Variants in PTPRG observed in about 807,000 individuals in gnomAD.
PTPRG encodes receptor-type tyrosine-protein phosphatase gamma.
In PTPRG, 102 loss-of-function variants were observed where a neutral mutation model predicts 165.3. The ratio of observed to expected loss-of-function variants is 0.62; its 90% CI spans 0.53 to 0.73. PTPRG has a LOEUF of 0.73. PTPRG is among the 30% of genes least tolerant of loss of function. PTPRG has a pLI of 0.00. For synonymous variants in PTPRG, 675 were observed against 669.5 expected (o/e 1.01, Z -0.13); for missense variants, 1,866 against 1,861.4 (o/e 1.00, Z -0.05).
chr3:61,851,834 G>A (rs913412178), intron 2 of PTPRG, among the ~76,000 whole-genome samples: 8 of 152,094 alleles, frequency 5.3e-5, no homozygotes, highest in African/African-American at 1.9e-4. Context: ...AATTGTGGAG[G>A]TGAAAAATCA....
intron 2 of PTPRG, among the ~76,000 whole-genome samples, chr3:61,820,103 G>A (rs1207793256): frequency 6.6e-6 from 1 of 152,130 alleles, no homozygotes; most frequent in Non-Finnish European, 1.5e-5. Flanking sequence ...AGATATGTGA[G>A]TTAGGGTTCT....
intron 2 of PTPRG, among the ~76,000 whole-genome samples, chr3:61,940,669 ATTTT>A (rs199808007): frequency 1.1e-5 from 1 of 91,430 alleles, no homozygotes; most frequent in African/African-American, 3.5e-5. Context: ...TTATTTATTT[ATTTT>A]TTATTTTTTT....
At chr3:61,945,241 C>T (rs1233634865) in intron 2 of PTPRG, among the ~76,000 whole-genome samples, 1 of 152,058 alleles carries the variant, frequency 6.6e-6, no homozygotes, top group Non-Finnish European at 1.5e-5. Context: ...ACATCTGATC[C>T]TACTGACACT....
chr3:62,243,596 G>C (rs1701214198), intron 14 of PTPRG: 1 of 436,782 alleles, frequency 2.3e-6, no homozygotes, highest in Non-Finnish European at 4.1e-6. Flanking sequence ...TTTGGATGCG[G>C]TGATGATAAA....
intron 2 of PTPRG, among the ~76,000 whole-genome samples, chr3:61,981,172 G>A (rs2040634122): frequency 7.3e-6 from 1 of 136,506 alleles, no homozygotes; most frequent in Admixed American, 7.1e-5. Flanking sequence ...TTATAAAACC[G>A]TCAGATCTCG....
At chr3:61,955,484 A>G (rs1451073166) in intron 2 of PTPRG, among the ~76,000 whole-genome samples, 1 of 152,182 alleles carries the variant, frequency 6.6e-6, no homozygotes, top group Non-Finnish European at 1.5e-5. Flanking sequence ...GCATCTACAG[A>G]AATGTATGTG....
At chr3:61,729,664 T>C (rs2032410348) in intron 1 of PTPRG, among the ~76,000 whole-genome samples, 3 of 152,232 alleles carry the variant, frequency 2.0e-5, no homozygotes, top group Admixed American at 2.0e-4. Flanking sequence ...TTTAACATAC[T>C]CATTTTTTAA....
At chr3:61,597,611 T>TTG (rs1700736519) in intron 1 of PTPRG, among the ~76,000 whole-genome samples, 1 of 152,240 alleles carries the variant, frequency 6.6e-6, no homozygotes, top group Non-Finnish European at 1.5e-5. Context: ...GATTTGGTTT[T>TTG]AGGTCATTGT....
chr3:61,875,967 T>C (rs749579633), intron 2 of PTPRG, among the ~76,000 whole-genome samples: 5 of 152,196 alleles, frequency 3.3e-5, no homozygotes, highest in South Asian at 4.1e-4. Context: ...TTGAAAATCT[T>C]AGTCATGATT....
At chr3:62,059,466 C>G (rs1211084135) in intron 4 of PTPRG, among the ~76,000 whole-genome samples, 1 of 152,168 alleles carries the variant, frequency 6.6e-6, no homozygotes, top group Non-Finnish European at 1.5e-5. Flanking sequence ...TGGACCGAGA[C>G]CTGGTATGAA....
intron 2 of PTPRG, among the ~76,000 whole-genome samples, chr3:61,986,322 C>T (rs2040762080): frequency 6.6e-6 from 1 of 152,032 alleles, no homozygotes; most frequent in Admixed American, 6.6e-5. Flanking sequence ...CAGAGTTTAC[C>T]ACCAGTGGGG....
At chr3:61,835,287 G>C (rs1374364641) in intron 2 of PTPRG, among the ~76,000 whole-genome samples, 1 of 152,124 alleles carries the variant, frequency 6.6e-6, no homozygotes, top group East Asian at 1.9e-4. Flanking sequence ...TGACTCTACT[G>C]TTACTTTCTC....
At chr3:61,852,186 C>T (rs1014480747) in intron 2 of PTPRG, among the ~76,000 whole-genome samples, 2 of 152,142 alleles carry the variant, frequency 1.3e-5, no homozygotes, top group Non-Finnish European at 2.9e-5. Flanking sequence ...CTACTTTTCT[C>T]TCTCTTTGCG....
At chr3:61,923,692 ATTTTTTT>A (rs71123241) in intron 2 of PTPRG, among the ~76,000 whole-genome samples, 6 of 100,876 alleles carry the variant, frequency 5.9e-5, no homozygotes, top group Non-Finnish European at 9.6e-5. Flanking sequence ...TATTTTTTGT[ATTTTTTT>A]TTTTTTTTTT....
Position 62,277,809 on chromosome 3 carries a change from A to G in PTPRG, c.3765+130A>G, listed in dbSNP as rs546978568. On this transcript the variant is annotated intron_variant, in intron 26 of 29. Coordinates refer to ENST00000474889, the MANE Select transcript of PTPRG (RefSeq NM_002841.4). ...GGGAATTTAAAATTTTTAAATTCTC[A>G]TCTTGAAGTCTGTGGAGATTCCTTT... is the stretch of plus-strand genomic sequence containing the variant. The G allele has an allele frequency of 1.6e-4, 181 of 1,134,092 alleles. 1 individual carries two copies. The African/African-American group carries it at 2.7e-3, about 17-fold the overall frequency. The allele number at this position is 1,134,092 out of a possible 1,614,324, so 70.3% of individuals were successfully genotyped here.
At chr3:62,157,248 G>T (rs1704573497) in intron 7 of PTPRG, 24 bp downstream of exon 7, 1 of 1,606,888 alleles carries the variant, frequency 6.2e-7, no homozygotes, top group Admixed American at 1.7e-5. Context: ...CTCAAGTGGG[G>T]TTTCTGTGTT....
intron 2 of PTPRG, among the ~76,000 whole-genome samples, chr3:61,795,003 C>T (rs1385826662): frequency 6.6e-6 from 1 of 152,186 alleles, no homozygotes; most frequent in African/African-American, 2.4e-5. Flanking sequence ...GTAGTAGCAA[C>T]AGAAGCAGCA....
At chr3:61,949,894 C>T (rs751858790) in intron 2 of PTPRG, among the ~76,000 whole-genome samples, 54 of 152,160 alleles carry the variant, frequency 3.5e-4, no homozygotes, top group Non-Finnish European at 1.0e-4. Context: ...ACTACAGGCA[C>T]CCGCCACCGT....
intron 1 of PTPRG, among the ~76,000 whole-genome samples, chr3:61,622,275 T>G (rs1701480959): frequency 1.3e-5 from 2 of 151,730 alleles, no homozygotes; most frequent in African/African-American, 4.8e-5. Flanking sequence ...TCTTCAAACC[T>G]TAGCTTTTGG....
Sources: allele counts gnomAD v4.1 joint callset (sites outside exome capture counted in the v4.1 genomes callset), GRCh38; gene constraint gnomAD v4.1.1; transcripts MANE v1.5; gene names NCBI Gene and HGNC (gene_info 2026-07-23, HGNC 2026-07-21).